LRRC18: variants seen among roughly 807,000 people sequenced by gnomAD.
LRRC18 encodes leucine rich repeat containing 18.
Under a neutral mutation model 11.2 loss-of-function variants are expected in LRRC18, and 12 were observed. That is an observed-to-expected ratio of 1.07 (90% CI 0.69 to 1.74). The LOEUF (loss-of-function observed/expected upper bound fraction) is 1.74, where lower values mean the gene tolerates loss of function less well. Ranked by LOEUF, LRRC18 falls within the 40% of genes most tolerant of loss-of-function variation. LRRC18 has a pLI of 0.00. For missense variants in LRRC18, 374 were observed against 330.5 expected, an observed-to-expected ratio of 1.13 and a Z score of -1.02; for synonymous variants, 155 against 130.6, an observed-to-expected ratio of 1.19 and a Z score of -1.27.
chr10:48,918,086 A>C (rs1838715640), upstream of LRRC18, among the ~76,000 whole-genome samples: 2 of 152,254 alleles, frequency 1.3e-5, no homozygotes, highest in Non-Finnish European at 2.9e-5. Context: ...ATATATAAAA[A>C]GATATAGTAA....
the LRRC18 span, among the ~76,000 whole-genome samples, chr10:48,927,803 G>A: frequency 6.6e-6 from 1 of 152,170 alleles, no homozygotes; most frequent in Non-Finnish European, 1.5e-5. Context: ...TTTCTTATTG[G>A]TTTAATAGCA....
rs554024072 is a variant in LRRC18 at position 48,910,495 on chromosome 10, C to T, written c.765-237G>A. On this transcript the variant is annotated intron_variant, in intron 1 of 1. Transcript: ENST00000374160. ...TAAAGGTGACTGAGGTATTTTAGAG[C>T]ATGAAGGAACACCAACATCAAACCT... is the stretch of plus-strand genomic sequence containing the variant. Among the ~76,000 whole-genome samples, 5 of 152,254 alleles carry T rather than the reference C, an allele frequency of 3.3e-5. No individual in the cohort carries two copies. The South Asian group carries it at 8.3e-4, about 25-fold the overall frequency.
chr10:48,935,163 C>T, the LRRC18 span: 21 of 152,350 alleles, frequency 1.4e-4, no homozygotes, highest in East Asian at 3.7e-3. Flanking sequence ...GGCCGCCGCC[C>T]GAGCAAAACT....
At chr10:48,913,757 C>T (rs770205744) in exon 1 of LRRC18, 1 of 1,614,010 alleles carries the variant, frequency 6.2e-7, no homozygotes, top group East Asian at 2.2e-5. Flanking sequence ...GCACGCTGTC[C>T]AGGTGGTTCA....
chr10:48,911,290 G>A (rs1837978011), intron 1 of LRRC18, among the ~76,000 whole-genome samples: 1 of 152,198 alleles, frequency 6.6e-6, no homozygotes. Context: ...GTGCTGGCAA[G>A]GATGCCGGGA....
intron 1 of LRRC18, among the ~76,000 whole-genome samples, chr10:48,911,954 T>C (rs966436450): frequency 7.9e-5 from 12 of 152,182 alleles, no homozygotes; most frequent in African/African-American, 2.9e-4. Context: ...TGGTTGACAA[T>C]GTGAGGAGAA....
At chr10:48,911,530 A>G (rs1838003651) in intron 1 of LRRC18, among the ~76,000 whole-genome samples, 1 of 152,226 alleles carries the variant, frequency 6.6e-6, no homozygotes, top group South Asian at 2.1e-4. Context: ...TAAAGGTACA[A>G]CAGTAACTTA....
intron 1 of LRRC18, chr10:48,910,794 A>G (rs1436376236): frequency 9.4e-6 from 4 of 427,640 alleles, no homozygotes; most frequent in Non-Finnish European, 1.2e-5. Flanking sequence ...AGCAGTTGGC[A>G]GCAAGTAAGG....
the LRRC18 span, among the ~76,000 whole-genome samples, chr10:48,926,753 G>C: frequency 7.7e-3 from 1,174 of 152,294 alleles, 10 homozygotes; most frequent in Non-Finnish European, 9.5e-3. Context: ...TCATTTAACT[G>C]TAAGAGCTTG....
chr10:48,924,494 G>A, the LRRC18 span, among the ~76,000 whole-genome samples: 12 of 152,240 alleles, frequency 7.9e-5, no homozygotes, highest in Admixed American at 2.0e-4. Context: ...ATAGATGGGC[G>A]AATAGACAGA....
At chr10:48,924,200 T>G in the LRRC18 span, among the ~76,000 whole-genome samples, 1 of 152,058 alleles carries the variant, frequency 6.6e-6, no homozygotes, top group Non-Finnish European at 1.5e-5. Flanking sequence ...CTTCCACCCT[T>G]TCTGCGCTTC....
At chr10:48,928,929 A>G in the LRRC18 span, among the ~76,000 whole-genome samples, 5 of 152,356 alleles carry the variant, frequency 3.3e-5, no homozygotes, top group South Asian at 4.1e-4. Context: ...CCAGGCAGCA[A>G]AGAAAATGAA....
chr10:48,932,942 AG>A, the LRRC18 span, among the ~76,000 whole-genome samples: 14 of 152,166 alleles, frequency 9.2e-5, no homozygotes, highest in Non-Finnish European at 4.4e-5. Flanking sequence ...CGAAGAGCTG[AG>A]CAAGGGCAGT....
the LRRC18 span, among the ~76,000 whole-genome samples, chr10:48,921,716 C>G: frequency 2.6e-5 from 4 of 151,978 alleles, no homozygotes; most frequent in African/African-American, 9.7e-5. Context: ...ATCTTTTCAA[C>G]TCAACAGTAA....
intron 1 of LRRC18, among the ~76,000 whole-genome samples, chr10:48,911,525 G>T (rs1257755700): frequency 6.6e-6 from 1 of 152,110 alleles, no homozygotes; most frequent in Non-Finnish European, 1.5e-5. Context: ...TAACTTAAAG[G>T]TACAACAGTA....
the LRRC18 span, among the ~76,000 whole-genome samples, chr10:48,928,530 T>C: frequency 1.3e-5 from 2 of 152,180 alleles, no homozygotes; most frequent in Non-Finnish European, 2.9e-5. Flanking sequence ...TTATGGACCG[T>C]GACCCCTGCC....
At chr10:48,919,774 A>G in the LRRC18 span, among the ~76,000 whole-genome samples, 3 of 152,222 alleles carry the variant, frequency 2.0e-5, no homozygotes, top group Non-Finnish European at 4.4e-5. Context: ...TGATACACTC[A>G]CACTGGAGAT....
exon 1 of LRRC18, chr10:48,913,515 C>G: frequency 6.2e-7 from 1 of 1,613,958 alleles, no homozygotes; most frequent in Non-Finnish European, 8.5e-7. Context: ...GGCGTTTTGG[C>G]ATTTTCTCAG....
At chr10:48,931,063 G>C in the LRRC18 span, among the ~76,000 whole-genome samples, 1 of 149,202 alleles carries the variant, frequency 6.7e-6, no homozygotes, top group Non-Finnish European at 1.5e-5. Flanking sequence ...GAAAAAAAAG[G>C]TACAAACACA....
Sources: gnomAD v4.1 joint callset for allele counts (sites outside exome capture counted in the v4.1 genomes callset) on GRCh38, gnomAD v4.1.1 for gene constraint, MANE v1.5 for transcripts, NCBI Gene and HGNC (gene_info 2026-07-23, HGNC 2026-07-21) for gene names.